ZEB1: variants seen among roughly 807,000 people sequenced by gnomAD.
The protein encoded by ZEB1 is zinc finger E-box binding homeobox 1.
In ZEB1, 21 loss-of-function variants were observed where a neutral mutation model predicts 84.9. The observed-to-expected ratio is 0.25, with a 90% confidence interval of 0.18 to 0.36. The LOEUF is 0.36. ZEB1 is among the 10% of genes least tolerant of loss of function. ZEB1 has a pLI of 1.00. For synonymous variants in ZEB1, 420 were observed against 471.1 expected, an observed-to-expected ratio of 0.89 and a Z score of 1.41; for missense variants, 1,104 against 1,330.2, an observed-to-expected ratio of 0.83 and a Z score of 2.65.
At chr10:31,484,142 C>T (rs1591756803) in intron 2 of ZEB1, among the ~76,000 whole-genome samples, 1 of 151,918 alleles carries the variant, frequency 6.6e-6, no homozygotes, top group African/African-American at 2.4e-5. Context: ...TTTAAGAGCT[C>T]GTGATTAACT....
intron 3 of ZEB1, among the ~76,000 whole-genome samples, chr10:31,501,628 C>T (rs780487929): frequency 2.6e-5 from 4 of 152,006 alleles, no homozygotes; most frequent in Admixed American, 2.0e-4. Context: ...AGCTCCCCCC[C>T]CCATTATCTG....
At chr10:31,439,987 C>T (rs759681296) in intron 1 of ZEB1, among the ~76,000 whole-genome samples, 3 of 152,036 alleles carry the variant, frequency 2.0e-5, no homozygotes, top group African/African-American at 4.8e-5. Flanking sequence ...GGTGGCAGCA[C>T]GGAGACCAGA....
At chr10:31,410,611 T>G (rs2054056683) in intron 1 of ZEB1, among the ~76,000 whole-genome samples, 1 of 152,206 alleles carries the variant, frequency 6.6e-6, no homozygotes, top group Non-Finnish European at 1.5e-5. Flanking sequence ...CTGGTAGAAT[T>G]CAGCTGTGAA....
chr10:31,435,410 GA>G (rs2058170840), intron 1 of ZEB1, among the ~76,000 whole-genome samples: 1 of 152,190 alleles, frequency 6.6e-6, no homozygotes, highest in Admixed American at 6.5e-5. Context: ...ATCAACAATA[GA>G]AAACTAATAC....
chr10:31,435,112 G>A (rs1359087944), intron 1 of ZEB1, among the ~76,000 whole-genome samples: 15 of 152,222 alleles, frequency 9.9e-5, no homozygotes. Flanking sequence ...AATGTTAAAA[G>A]TGGAAGCTGG....
At chr10:31,492,787 T>C (rs1157313129) in intron 2 of ZEB1, among the ~76,000 whole-genome samples, 1 of 151,954 alleles carries the variant, frequency 6.6e-6, no homozygotes. Flanking sequence ...TAGTAAGTCT[T>C]CTGGATTTTT....
chr10:31,340,075 T>G (rs908496082), intron 1 of ZEB1, among the ~76,000 whole-genome samples: 2 of 152,170 alleles, frequency 1.3e-5, no homozygotes, highest in Non-Finnish European at 1.5e-5. Flanking sequence ...CTTGATTGTA[T>G]CTTTAAAATT....
intron 2 of ZEB1, among the ~76,000 whole-genome samples, chr10:31,487,299 TTTTGA>T (rs1241464943): frequency 1.3e-5 from 2 of 151,492 alleles, no homozygotes; most frequent in Non-Finnish European, 1.5e-5. Flanking sequence ...CATGCTGAAA[TTTTGA>T]TTTGATTTGT....
At chr10:31,453,000 A>G (rs1281338058) in intron 1 of ZEB1, among the ~76,000 whole-genome samples, 3 of 152,152 alleles carry the variant, frequency 2.0e-5, no homozygotes, top group Admixed American at 1.3e-4. Context: ...TTAAATTATG[A>G]CAATATGCTT....
chr10:31,378,589 A>G (rs2047092992), intron 1 of ZEB1, among the ~76,000 whole-genome samples: 1 of 151,750 alleles, frequency 6.6e-6, no homozygotes, highest in South Asian at 2.1e-4. Flanking sequence ...CAATGATATG[A>G]AAGAAGACAA....
At chr10:31,459,218 A>G (rs1257738943) in intron 1 of ZEB1, among the ~76,000 whole-genome samples, 1 of 152,148 alleles carries the variant, frequency 6.6e-6, no homozygotes, top group Admixed American at 6.6e-5. Context: ...CTGTACTGAC[A>G]TAGAAAGGCT....
At chr10:31,399,455 T>C (rs530181692) in intron 1 of ZEB1, among the ~76,000 whole-genome samples, 1 of 152,138 alleles carries the variant, frequency 6.6e-6, no homozygotes, top group Non-Finnish European at 1.5e-5. Flanking sequence ...ATTCCACATA[T>C]GATAATTCTT....
chr10:31,411,707 C>T (rs2054326692), intron 1 of ZEB1, among the ~76,000 whole-genome samples: 1 of 149,670 alleles, frequency 6.7e-6, no homozygotes. Flanking sequence ...ATTTCTCTCC[C>T]ACAAGAGAAA....
Position 31,528,386 on chromosome 10 carries a change from C to T in ZEB1, c.*1122C>T, listed in dbSNP as rs1260624122. 1 of 152,078 alleles carries T rather than the reference C, an allele frequency of 6.6e-6. No homozygotes were observed. Among genetic ancestry groups the T allele is most frequent in the Non-Finnish European group, 1.5e-5 (1 of 68,030 alleles). 9.4% of individuals were successfully genotyped at this position (152,078 alleles called of 1,614,324 possible). On this transcript the variant is annotated 3_prime_UTR_variant, in exon 9 of 9. Transcript: ENST00000424869. The stretch of plus-strand genomic sequence containing the variant: ...AACGAAAGGGAAATTTTCTAATCTG[C>T]TTTATCCATGTACTTGCATTTCAGA...
At chr10:31,460,198 AT>A (rs1564955352) in intron 1 of ZEB1, among the ~76,000 whole-genome samples, 1 of 152,046 alleles carries the variant, frequency 6.6e-6, no homozygotes, top group Non-Finnish European at 1.5e-5. Context: ...ATAGAATTTT[AT>A]TCTCAGCTTA....
At chr10:31,443,304 G>A (rs979915676) in intron 1 of ZEB1, among the ~76,000 whole-genome samples, 2 of 151,468 alleles carry the variant, frequency 1.3e-5, no homozygotes, top group Admixed American at 6.6e-5. Flanking sequence ...ACAATTTGTC[G>A]TTTGTCTTTT....
chr10:31,465,670 G>T (rs539255504), intron 2 of ZEB1, among the ~76,000 whole-genome samples: 1 of 152,024 alleles, frequency 6.6e-6, no homozygotes, highest in Admixed American at 6.6e-5. Flanking sequence ...GTAGAGTGCA[G>T]TGATGCAGTC....
At chr10:31,440,444 A>C (rs1029295479) in intron 1 of ZEB1, among the ~76,000 whole-genome samples, 16 of 152,200 alleles carry the variant, frequency 1.1e-4, no homozygotes, top group African/African-American at 3.9e-4. Flanking sequence ...ATCCACAACC[A>C]ATATCATACT....
intron 1 of ZEB1, among the ~76,000 whole-genome samples, chr10:31,455,305 A>C (rs2061072633): frequency 6.6e-6 from 1 of 152,220 alleles, no homozygotes. Flanking sequence ...AAAACCATGA[A>C]AACCCTAGAA....
Sources: gnomAD v4.1 joint callset for allele counts (sites outside exome capture counted in the v4.1 genomes callset) on GRCh38, gnomAD v4.1.1 for gene constraint, MANE v1.5 for transcripts, NCBI Gene and HGNC (gene_info 2026-07-23, HGNC 2026-07-21) for gene names.